ARID1A: variants seen among roughly 807,000 people sequenced by gnomAD.
ARID1A encodes AT-rich interactive domain-containing protein 1A.
In ARID1A, 20 loss-of-function variants were observed where a neutral mutation model predicts 212.6. That is an observed-to-expected ratio of 0.09 (90% CI 0.07 to 0.14). The LOEUF (loss-of-function observed/expected upper bound fraction) is 0.14, where lower values mean the gene tolerates loss of function less well. Ranked by LOEUF, ARID1A falls within the 10% of genes least tolerant of loss-of-function variation. The pLI, the probability that ARID1A is intolerant of heterozygous loss-of-function variation, is 1.00. For synonymous variants in ARID1A, 1,376 were observed against 1,222.1 expected, an observed-to-expected ratio of 1.13 and a Z score of -2.63; for missense variants, 2,587 against 3,059.0, an observed-to-expected ratio of 0.85 and a Z score of 3.64.
chr1:26,705,143 CT>C (rs879406708), intron 1 of ARID1A, among the ~76,000 whole-genome samples: 286 of 143,720 alleles, frequency 2.0e-3, no homozygotes, highest in South Asian at 2.0e-3. Flanking sequence ...TACTGCAGAC[CT>C]TTTTTTTTTT....
rs2124142408 is a variant in ARID1A, at chr1:26,779,641, T to G, written c.5743T>G (p.Leu1915Val). Residue 1915 changes from leucine (L) to valine (V), a missense_variant, in exon 20 of 20, where the codon TTG becomes GTG. Coordinates refer to ENST00000324856, the MANE Select transcript of ARID1A (RefSeq NM_006015.6). ...GATCACAGCCACTATGGATGACATG[T>G]TGTCTACTCGGTCTAGCACCTTGAC... ...KRITATMDDM[L>V]STRSSTLTED... 1 of 1,613,996 alleles carries G rather than the reference T, an allele frequency of 6.2e-7. No individual in the cohort carries two copies. The highest frequency in any genetic ancestry group is 8.5e-7 in the Non-Finnish European group (1 of 1,179,988).
Position 26,732,942 on chromosome 1 carries a change from T to C in ARID1A, c.1920+150T>C, listed in dbSNP as rs1333949334. 4.6e-6 allele frequency: 3 copies of C among 651,774 alleles called. No homozygotes were observed. In the African/African-American group the frequency reaches 5.4e-5, roughly 12 times the overall value. 40.4% of individuals were successfully genotyped at this position (651,774 alleles called of 1,614,324 possible). On this transcript the variant is annotated intron_variant, in intron 4 of 19. Coordinates refer to ENST00000324856, the MANE Select transcript of ARID1A (RefSeq NM_006015.6). ...AGGAACTTAAAGGCTGACTTGTAGATGTCTGTTCTGTCTCCCTGCCCAGGG... is the reference window on the plus strand; with the variant it reads ...AGGAACTTAAAGGCTGACTTGTAGACGTCTGTTCTGTCTCCCTGCCCAGGG...
intron 4 of ARID1A, among the ~76,000 whole-genome samples, chr1:26,757,491 TAAA>T (rs1027931458): frequency 8.4e-5 from 12 of 142,374 alleles, no homozygotes; most frequent in Admixed American, 2.1e-4. Flanking sequence ...AAAAAGGAAA[TAAA>T]AACGCACAAA....
intron 4 of ARID1A, 118 bp from the exon 5 acceptor site, chr1:26,760,737 GT>G: frequency 9.2e-6 from 10 of 1,082,514 alleles, no homozygotes; most frequent in Non-Finnish European, 1.3e-5. Flanking sequence ...ACTAAAGAAC[GT>G]GTGTGATGTA....
chr1:26,706,668 C>T (rs931351027), intron 1 of ARID1A, among the ~76,000 whole-genome samples: 5 of 152,140 alleles, frequency 3.3e-5, no homozygotes. Context: ...CTCTTCTTGC[C>T]CAGTGATTTC....
At chr1:26,775,426 A>G in intron 18 of ARID1A, 151 bp from the exon 19 acceptor site, 1 of 1,376,764 alleles carries the variant, frequency 7.3e-7, no homozygotes, top group Non-Finnish European at 9.7e-7. Flanking sequence ...ACAGCTTAGA[A>G]GCCATGAGGG....
In ARID1A at chr1:26,767,847, G is replaced by A. The variant is rs182858322; in HGVS notation, c.3046G>A (p.Gly1016Ser). The change falls in exon 11 of 20, where the codon GGT becomes AGT. Residue 1016 changes from glycine to serine, a missense_variant. Around this residue, in one of 11 missense-constraint regions of ARID1A, gnomAD observed 44 missense variants for 99.5 expected, o/e 0.44. Coordinates refer to ENST00000324856, the MANE Select transcript of ARID1A (RefSeq NM_006015.6). ...GATCACCAAGTTGTATGAGCTGGGTGGTGAGCCTGAGAGGAAGATGTGGGT... is the reference window on the plus strand; with the variant it reads ...GATCACCAAGTTGTATGAGCTGGGTAGTGAGCCTGAGAGGAAGATGTGGGT... ...EKITKLYELGGEPERKMWVDR... is the reference protein window; with the variant it reads ...EKITKLYELGSEPERKMWVDR... 94 of 1,614,154 alleles carry A rather than the reference G, an allele frequency of 5.8e-5. No individual in the cohort carries two copies. In the East Asian group the frequency reaches 1.8e-3, roughly 31 times the overall value.
In ARID1A at chr1:26,775,020, G is replaced by T. The variant is rs748573855; in HGVS notation, c.4793G>T (p.Arg1598Leu). 6.3e-7 allele frequency: 1 copy of T among 1,598,202 alleles called. No individual in the cohort carries two copies. The highest frequency in any genetic ancestry group is 2.2e-5 in the East Asian group (1 of 44,606). The change falls in exon 18 of 20, where the codon CGC becomes CTC. Residue 1598 changes from arginine (R) to leucine (L), a missense_variant. Physicochemically the swap from Arg to Leu is moderately radical, Grantham distance 102. Coordinates refer to ENST00000324856, the MANE Select transcript of ARID1A (RefSeq NM_006015.6). ...PAPLPRPMEN[R>L]TSPSKSPFLH... ...CCCCTGCCCCGGCCAATGGAGAACC[G>T]CACCTCTCCTAGCAAGTCTCCATTC...
Position 26,780,129 on chromosome 1 carries a change from C to T in ARID1A, c.6231C>T (p.Pro2077=), listed in dbSNP as rs373094718. ...GGCAGTTGGACCTATCTCCATACCCCGAGAGCATTTGCCTGCCTGTCCTGG... is the reference window on the plus strand; with the variant it reads ...GGCAGTTGGACCTATCTCCATACCCTGAGAGCATTTGCCTGCCTGTCCTGG... The part of the protein sequence containing the change: ...ISGQLDLSPY[P]ESICLPVLDG... The change falls in exon 20 of 20, where the codon CCC becomes CCT. Residue 2077 remains proline, a synonymous_variant. Coordinates refer to ENST00000324856, the MANE Select transcript of ARID1A (RefSeq NM_006015.6). This position sits in a 1 kb window ranked among gnomAD's most constrained non-coding sequence, Gnocchi z 7.2. The T allele has an allele frequency of 6.8e-6, 11 of 1,614,046 alleles. No individual in the cohort carries two copies. Among genetic ancestry groups the T allele is most frequent in the East Asian group, 2.2e-5 (1 of 44,888 alleles).
intron 1 of ARID1A, among the ~76,000 whole-genome samples, chr1:26,724,807 CTGTT>C (rs1016415297): frequency 2.6e-5 from 4 of 152,092 alleles, no homozygotes; most frequent in African/African-American, 7.2e-5. Flanking sequence ...TGTCTGCTAG[CTGTT>C]TGTTCTGAAT....
intron 4 of ARID1A, among the ~76,000 whole-genome samples, chr1:26,750,277 C>T (rs935615971): frequency 3.9e-5 from 6 of 152,164 alleles, no homozygotes; most frequent in Admixed American, 1.3e-4. Flanking sequence ...CTCACTGCCT[C>T]CACAAAACTG....
At chr1:26,761,227 G>T in intron 5 of ARID1A, 131 bp downstream of exon 5, 1 of 1,482,946 alleles carries the variant, frequency 6.7e-7, no homozygotes, top group Non-Finnish European at 9.1e-7. Context: ...TTAGCATTTG[G>T]AGAAGGAGAT....
intron 4 of ARID1A, among the ~76,000 whole-genome samples, chr1:26,755,203 A>G (rs1056341901): frequency 1.3e-5 from 2 of 152,256 alleles, no homozygotes; most frequent in African/African-American, 4.8e-5. Flanking sequence ...TCTGGCATAT[A>G]GTAGATGCTT....
At chr1:26,740,347 T>C (rs1441194529) in intron 4 of ARID1A, among the ~76,000 whole-genome samples, 1 of 152,224 alleles carries the variant, frequency 6.6e-6, no homozygotes, top group African/African-American at 2.4e-5. Context: ...CATGTGCCTG[T>C]ATGTTATAAT....
At chr1:26,716,222 A>G (rs914993272) in intron 1 of ARID1A, among the ~76,000 whole-genome samples, 9 of 151,332 alleles carry the variant, frequency 5.9e-5, no homozygotes, top group African/African-American at 1.9e-4. Flanking sequence ...AAAAAAAAAG[A>G]AAAAGAAAAA....
intron 4 of ARID1A, among the ~76,000 whole-genome samples, chr1:26,751,664 A>G (rs2080886189): frequency 6.6e-6 from 1 of 152,250 alleles, no homozygotes; most frequent in African/African-American, 2.4e-5. Context: ...TGATAGTCAC[A>G]TATTCATGTC....
intron 1 of ARID1A, among the ~76,000 whole-genome samples, chr1:26,719,811 T>C (rs368447894): frequency 6.6e-6 from 1 of 150,684 alleles, no homozygotes; most frequent in Non-Finnish European, 1.5e-5. Context: ...CATGGTGACA[T>C]GCGCCTGTAA....
chr1:26,704,584 G>A (rs973058953), intron 1 of ARID1A, among the ~76,000 whole-genome samples: 1 of 152,100 alleles, frequency 6.6e-6, no homozygotes, highest in African/African-American at 2.4e-5. Context: ...TTGGCCGGGC[G>A]CGGTAGCTCA....
chr1:26,758,204 T>TA (rs1262638598), intron 4 of ARID1A, among the ~76,000 whole-genome samples: 2 of 152,128 alleles, frequency 1.3e-5, no homozygotes, highest in East Asian at 1.9e-4. Context: ...CCTTTCTACT[T>TA]ACAGTGGCTC....
Sources: gnomAD v4.1 joint callset for allele counts (sites outside exome capture counted in the v4.1 genomes callset) on GRCh38, gnomAD v4.1.1 for gene constraint, gnomAD v4.1.1 regional missense constraint, Gnocchi (gnomAD v3.1) non-coding constraint, MANE v1.5 for transcripts, NCBI Gene and HGNC (gene_info 2026-07-23, HGNC 2026-07-21) for gene names.